The following FDFT1 variants were observed in gnomAD, a reference collection of about 807,000 sequenced individuals.
The protein encoded by FDFT1 is squalene synthase.
A neutral mutation model predicts 46.8 loss-of-function variants in FDFT1; 68 were observed. The observed-to-expected ratio is 1.45, with a 90% CI of 1.19 to 1.78. FDFT1 has a LOEUF of 1.78. Among genes scored for constraint, FDFT1 ranks in the 40% most tolerant of loss-of-function variants. The probability of loss-of-function intolerance (pLI) is 0.00; values close to 1 mark genes in which losing one functional copy is unlikely to be tolerated. For missense variants in FDFT1, 928 were observed against 524.4 expected, an observed-to-expected ratio of 1.77 and a Z score of -7.52; for synonymous variants, 351 against 185.1, an observed-to-expected ratio of 1.90 and a Z score of -7.28.
intron 5 of FDFT1, 57 bp from the exon 6 acceptor site, chr8:11,830,187 T>G: frequency 7.3e-7 from 1 of 1,364,390 alleles, no homozygotes; most frequent in Non-Finnish European, 1.0e-6. Context: ...TAATATTGTT[T>G]GTAAATTCTC....
rs1174690171 is a variant in FDFT1 at position 11,826,169 on chromosome 8, A to C, written c.656A>C (p.Asp219Ala). ...LFLQKTNIIR[D>A]YLEDQQGGRE... is the part of the protein sequence containing the mutation. ...TTGCAGAAAACAAACATCATCCGTG[A>C]CTATCTGGAAGACCAGCAAGGAGGA... is the stretch of plus-strand genomic sequence containing the variant. Residue 219 changes from aspartate (D) to alanine (A), a missense_variant, in exon 5 of 8, where the codon GAC (aspartate) becomes GCC (alanine). Coordinates refer to ENST00000220584, the MANE Select transcript of FDFT1 (RefSeq NM_004462.5). 1.3e-6 allele frequency: 2 copies of C among 1,593,584 alleles called. No individual in the cohort carries two copies. The highest frequency in any genetic ancestry group is 1.7e-6 in the Non-Finnish European group (2 of 1,164,660).
At chr8:11,808,108 TG>T in intron 1 of FDFT1, 2 of 273,400 alleles carry the variant, frequency 7.3e-6, no homozygotes, top group Non-Finnish European at 1.1e-5. Flanking sequence ...ATACTGAAGT[TG>T]GGGGATTCTG....
At chr8:11,797,628 C>T (rs1474102615), upstream of FDFT1, among the ~76,000 whole-genome samples, 1 of 102,366 alleles carries the variant, frequency 9.8e-6, no homozygotes, top group African/African-American at 3.9e-5. Flanking sequence ...GTCTGTCTCT[C>T]ACACACACTC....
At chr8:11,838,020 C>G (rs901725679) in intron 7 of FDFT1, among the ~76,000 whole-genome samples, 5 of 152,186 alleles carry the variant, frequency 3.3e-5, no homozygotes, top group Admixed American at 1.3e-4. Context: ...TCCAGCATTT[C>G]CCTTTCGTCA....
chr8:11,807,870 G>C (rs1807063220), intron 1 of FDFT1: 1 of 152,246 alleles, frequency 6.6e-6, no homozygotes. Flanking sequence ...ATTTTATTCA[G>C]AAAAACTACT....
At chr8:11,829,871 G>A (rs374810538) in intron 5 of FDFT1, among the ~76,000 whole-genome samples, 12 of 151,544 alleles carry the variant, frequency 7.9e-5, no homozygotes, top group East Asian at 3.9e-4. Flanking sequence ...TTTTTGTGAC[G>A]GAGTCTCACT....
At chr8:11,809,242 G>C (rs1807363558) in intron 2 of FDFT1, 1 of 1,151,336 alleles carries the variant, frequency 8.7e-7, no homozygotes. Context: ...TGATTCTTTT[G>C]AAGCTGCCTC....
At chr8:11,810,957 AAGG>A (rs1807633861) in intron 3 of FDFT1, among the ~76,000 whole-genome samples, 1 of 147,754 alleles carries the variant, frequency 6.8e-6, no homozygotes, top group Non-Finnish European at 1.5e-5. Context: ...AAAAAAAAAA[AAGG>A]AATGTTTGGG....
At chr8:11,800,143 C>T (rs767245239), upstream of FDFT1, among the ~76,000 whole-genome samples, 5 of 144,024 alleles carry the variant, frequency 3.5e-5, no homozygotes, top group Non-Finnish European at 4.6e-5. Context: ...CGCCTGTAAT[C>T]CCAGCTACTC....
chr8:11,821,904 G>A (rs755797325), intron 4 of FDFT1, 26 bp downstream of exon 4: 1 of 1,609,528 alleles, frequency 6.2e-7, no homozygotes, highest in Non-Finnish European at 8.5e-7. Flanking sequence ...CAGTGTCTGT[G>A]TGTGATGTAT....
At chr8:11,799,737 A>G (rs1005476126), upstream of FDFT1, among the ~76,000 whole-genome samples, 19 of 151,894 alleles carry the variant, frequency 1.3e-4, no homozygotes, top group African/African-American at 4.4e-4. Flanking sequence ...CACGAGGTCA[A>G]GAGATTGAGA....
upstream of FDFT1, chr8:11,801,719 A>G (rs1353461874): frequency 1.2e-5 from 3 of 260,526 alleles, no homozygotes; most frequent in Admixed American, 5.1e-5. Context: ...TTGGAGACGT[A>G]GTCTTGCTCT....
upstream of FDFT1, chr8:11,802,075 C>G (rs1279425106): frequency 4.4e-6 from 2 of 455,374 alleles, no homozygotes; most frequent in East Asian, 6.9e-5. Context: ...GGCTTCAGCT[C>G]CTTTTTCTAG....
intron 3 of FDFT1, among the ~76,000 whole-genome samples, chr8:11,812,499 G>C (rs1029824832): frequency 6.6e-6 from 1 of 152,164 alleles, no homozygotes; most frequent in Non-Finnish European, 1.5e-5. Context: ...GGGATATGGG[G>C]ATCAGCTGTC....
At chr8:11,822,837 A>G (rs929582399) in intron 4 of FDFT1, among the ~76,000 whole-genome samples, 2 of 152,232 alleles carry the variant, frequency 1.3e-5, no homozygotes, top group Non-Finnish European at 1.5e-5. Flanking sequence ...AGTTGAAGTT[A>G]AAACTTCTGG....
At chr8:11,809,387 G>T in intron 2 of FDFT1, 1 of 1,166,928 alleles carries the variant, frequency 8.6e-7, no homozygotes, top group Non-Finnish European at 1.1e-6. Flanking sequence ...TGGTCTTCTG[G>T]TCTCCATAGT....
chr8:11,816,407 A>G (rs1468100836), intron 3 of FDFT1, among the ~76,000 whole-genome samples: 3 of 152,184 alleles, frequency 2.0e-5, no homozygotes, highest in East Asian at 3.8e-4. Flanking sequence ...CTGTGAAGAA[A>G]GTCATTGGTA....
At chr8:11,803,057 C>A (rs959748943) in intron 1 of FDFT1, 126 bp downstream of exon 1, 5 of 1,459,210 alleles carry the variant, frequency 3.4e-6, no homozygotes, top group African/African-American at 2.9e-5. Flanking sequence ...CCTGGGTGTT[C>A]CCGTCCCCCT....
chr8:11,823,778 C>G (rs761905079), intron 4 of FDFT1, among the ~76,000 whole-genome samples: 1 of 152,072 alleles, frequency 6.6e-6, no homozygotes, highest in African/African-American at 2.4e-5. Flanking sequence ...GGGTATTGCT[C>G]TGTCACCCAG....
Sources: allele counts gnomAD v4.1 joint callset (sites outside exome capture counted in the v4.1 genomes callset), GRCh38; gene constraint gnomAD v4.1.1; transcripts MANE v1.5; gene names NCBI Gene and HGNC (gene_info 2026-07-23, HGNC 2026-07-21).